Variants in FBXW8 observed in about 807,000 individuals in gnomAD.
The protein encoded by FBXW8 is F-box/WD repeat-containing protein 8.
In FBXW8, 57 loss-of-function variants were observed where a neutral mutation model predicts 65.3. The ratio of observed to expected loss-of-function variants is 0.87; its 90% CI spans 0.71 to 1.09. The LOEUF is 1.09. FBXW8 is among the 50% of genes least tolerant of loss of function. FBXW8 has a pLI of 0.00. For synonymous variants in FBXW8, 308 were observed against 330.2 expected (o/e 0.93, Z 0.73); for missense variants, 777 against 814.8 (o/e 0.95, Z 0.57).
intron 3 of FBXW8, 55 bp from the exon 4 acceptor site, chr12:116,949,563 G>A (rs774699272): frequency 3.0e-5 from 46 of 1,523,464 alleles, no homozygotes; most frequent in Non-Finnish European, 4.2e-5. Context: ...ACGATGCTTG[G>A]CTTTCGGGCT....
intron 5 of FBXW8, chr12:116,977,295 G>A (rs1277774464): frequency 5.3e-5 from 8 of 152,078 alleles, no homozygotes. Flanking sequence ...TTTGGAATGG[G>A]ATTTCTAAAG....
intron 5 of FBXW8, among the ~76,000 whole-genome samples, chr12:116,967,830 G>C (rs970276422): frequency 2.6e-5 from 4 of 152,120 alleles, no homozygotes; most frequent in Admixed American, 6.5e-5. Flanking sequence ...GCAGTGGTGC[G>C]ATCTCGACTC....
At chr12:116,962,296 C>T (rs894362261) in intron 4 of FBXW8, among the ~76,000 whole-genome samples, 2 of 152,184 alleles carry the variant, frequency 1.3e-5, no homozygotes, top group East Asian at 1.9e-4. Flanking sequence ...GAGTAAGGAG[C>T]GGGCTCAACA....
At chr12:116,945,584 A>C (rs1714565681) in intron 3 of FBXW8, 56 bp downstream of exon 3, 1 of 1,547,356 alleles carries the variant, frequency 6.5e-7, no homozygotes, top group African/African-American at 1.4e-5. Context: ...GGACATGGGA[A>C]TCCAAGCTTT....
chr12:117,025,866 A>G (rs1156722554), intron 9 of FBXW8, among the ~76,000 whole-genome samples: 2 of 152,166 alleles, frequency 1.3e-5, no homozygotes, highest in African/African-American at 4.8e-5. Flanking sequence ...TCTCTCAGCA[A>G]AGCTTCACTC....
chr12:116,945,398 A>G lies in FBXW8; in HGVS notation c.458A>G (p.Glu153Gly). 1 of 1,613,864 alleles carries G rather than the reference A, an allele frequency of 6.2e-7. No homozygotes were observed. The highest frequency in any genetic ancestry group is 8.5e-7 in the Non-Finnish European group (1 of 1,179,944). ...ACGTGGAAGGTGATTGCAGAGGATG[A>G]GGTGCTGTGGTACAGGCTGTGCCAG... is the stretch of plus-strand genomic sequence containing the variant. ...SKTWKVIAEDEVLWYRLCQQE... is the reference protein window; with the variant it reads ...SKTWKVIAEDGVLWYRLCQQE... The change falls in exon 3 of 11, where the codon GAG becomes GGG. Residue 153 changes from glutamate to glycine, a missense_variant. By Grantham distance (98) the Glu-to-Gly change is moderately conservative. Coordinates refer to ENST00000652555, the MANE Select transcript of FBXW8 (RefSeq NM_153348.3).
At chr12:117,013,157 G>A (rs1351510031) in intron 8 of FBXW8, among the ~76,000 whole-genome samples, 5 of 152,228 alleles carry the variant, frequency 3.3e-5, no homozygotes, top group South Asian at 4.1e-4. Flanking sequence ...CAGGAGAATC[G>A]CTTGAACCCA....
intron 1 of FBXW8, among the ~76,000 whole-genome samples, chr12:116,918,425 G>A (rs1303236587): frequency 6.6e-6 from 1 of 152,184 alleles, no homozygotes; most frequent in Non-Finnish European, 1.5e-5. Flanking sequence ...ATTGATTCCT[G>A]TAACTGAAAA....
intron 1 of FBXW8, among the ~76,000 whole-genome samples, chr12:116,914,342 G>A (rs55693524): frequency 0.02 from 3,110 of 151,994 alleles, 85 homozygotes; most frequent in African/African-American, 0.065. Context: ...ACTTTGGGAG[G>A]CTGAGGTGGG....
At chr12:116,976,118 CAAAA>C (rs1555221899) in intron 5 of FBXW8, among the ~76,000 whole-genome samples, 1 of 152,102 alleles carries the variant, frequency 6.6e-6, no homozygotes, top group East Asian at 1.9e-4. Context: ...ATTTCAAAAT[CAAAA>C]AAGACTATCA....
chr12:116,988,522 T>G, intron 6 of FBXW8, 141 bp from the exon 7 acceptor site: 1 of 732,936 alleles, frequency 1.4e-6, no homozygotes, highest in African/African-American at 1.7e-5. Flanking sequence ...GCTGTTTGTG[T>G]TTCATTTCCT....
At chr12:116,935,905 A>G (rs1416880799) in intron 2 of FBXW8, among the ~76,000 whole-genome samples, 1 of 152,222 alleles carries the variant, frequency 6.6e-6, no homozygotes, top group African/African-American at 2.4e-5. Flanking sequence ...AAAAAGTTGG[A>G]CTTACACTTT....
At chr12:117,019,726 A>G (rs1377294164) in intron 8 of FBXW8, among the ~76,000 whole-genome samples, 1 of 152,174 alleles carries the variant, frequency 6.6e-6, no homozygotes, top group African/African-American at 2.4e-5. Context: ...CTCAAGAAAG[A>G]GAGTGTGACT....
intron 8 of FBXW8, among the ~76,000 whole-genome samples, chr12:117,013,098 C>G (rs1467918518): frequency 1.3e-5 from 2 of 152,100 alleles, no homozygotes; most frequent in African/African-American, 4.8e-5. Context: ...CAAAAATTAG[C>G]CACGCATGGT....
intron 5 of FBXW8, chr12:116,978,841 A>G (rs1357309938): frequency 6.6e-6 from 1 of 152,210 alleles, no homozygotes; most frequent in African/African-American, 2.4e-5. Context: ...TTCAGCAGTT[A>G]TTTACCTTTC....
At chr12:116,938,736 TA>T (rs1882341781) in intron 2 of FBXW8, among the ~76,000 whole-genome samples, 3 of 152,254 alleles carry the variant, frequency 2.0e-5, no homozygotes. Context: ...TGGATTTTCC[TA>T]AAGTGGGGAT....
chr12:117,010,034 A>G (rs1953766052), intron 7 of FBXW8, among the ~76,000 whole-genome samples: 1 of 152,208 alleles, frequency 6.6e-6, no homozygotes, highest in Admixed American at 6.5e-5. Flanking sequence ...TTGTTAAGAA[A>G]TTAGAATACC....
chr12:116,939,318 T>C (rs1882397697), intron 2 of FBXW8, among the ~76,000 whole-genome samples: 1 of 152,200 alleles, frequency 6.6e-6, no homozygotes, highest in South Asian at 2.1e-4. Flanking sequence ...TCCAAAATAC[T>C]CCTGGTTTTA....
At chr12:116,988,372 C>T (rs934807736) in intron 6 of FBXW8, among the ~76,000 whole-genome samples, 2 of 152,126 alleles carry the variant, frequency 1.3e-5, no homozygotes, top group Non-Finnish European at 2.9e-5. Flanking sequence ...CACTTCCAGC[C>T]CAGGGTGTTA....
Sources: gnomAD v4.1 joint callset for allele counts (sites outside exome capture counted in the v4.1 genomes callset) on GRCh38, gnomAD v4.1.1 for gene constraint, MANE v1.5 for transcripts, NCBI Gene and HGNC (gene_info 2026-07-23, HGNC 2026-07-21) for gene names.